The following ARHGAP35 variants were observed in gnomAD, a reference collection of about 807,000 sequenced individuals.
ARHGAP35 encodes the protein Rho GTPase activating protein 35.
ARHGAP35 carries 15 observed loss-of-function variants against 111.1 expected under a neutral mutation model. The ratio of observed to expected loss-of-function variants is 0.13; its 90% CI spans 0.09 to 0.21. The LOEUF (loss-of-function observed/expected upper bound fraction) is 0.21. Among genes scored for constraint, ARHGAP35 ranks in the 10% least tolerant of loss-of-function variants. The probability of loss-of-function intolerance (pLI) is 1.00; values close to 1 mark genes in which losing one functional copy is unlikely to be tolerated. For missense variants in ARHGAP35, 1,262 were observed against 1,873.0 expected, an observed-to-expected ratio of 0.67 and a Z score of 6.02; for synonymous variants, 643 against 710.3, an observed-to-expected ratio of 0.91 and a Z score of 1.51.
At chr19:46,891,078 A>C (rs531363130) in intron 1 of ARHGAP35, among the ~76,000 whole-genome samples, 28 of 152,208 alleles carry the variant, frequency 1.8e-4, no homozygotes, top group Non-Finnish European at 3.4e-4. Context: ...TTCCAAACCC[A>C]GCTCTGCCAC....
At chr19:46,871,947 T>A (rs1254828021) in intron 1 of ARHGAP35, among the ~76,000 whole-genome samples, 1 of 151,964 alleles carries the variant, frequency 6.6e-6, no homozygotes, top group East Asian at 1.9e-4. Flanking sequence ...GCCACTGCAC[T>A]CCAGCATGGG....
At chr19:46,910,295 C>A (rs933191309) in intron 1 of ARHGAP35, among the ~76,000 whole-genome samples, 6 of 151,358 alleles carry the variant, frequency 4.0e-5, no homozygotes, top group South Asian at 2.1e-4. Context: ...TATTTTTTTT[C>A]TTTTATTTTT....
At chr19:46,937,525 G>C (rs1422508858) in intron 3 of ARHGAP35, 117 bp downstream of exon 3, 1 of 1,197,040 alleles carries the variant, frequency 8.4e-7, no homozygotes, top group Non-Finnish European at 1.2e-6. Context: ...GATGCTCTTG[G>C]AGAAGGAGCT....
rs1253413730 is a variant in ARHGAP35 at position 47,001,341 on chromosome 19, C to T, written c.*653C>T. ...CCCCACCGTCCCACTCCACAGCCTT[C>T]CCGAAACATTCCCTGGCAAACAAAG... On this transcript the variant is annotated 3_prime_UTR_variant, in exon 7 of 7. Coordinates refer to ENST00000672722, the MANE Select transcript of ARHGAP35 (RefSeq NM_004491.5). This position sits in a 1 kb window ranked among gnomAD's most constrained non-coding sequence, Gnocchi z 5.4. 2.3e-6 allele frequency: 3 copies of T among 1,290,316 alleles called. No homozygotes were observed. Among genetic ancestry groups the T allele is most frequent in the Non-Finnish European group, 3.0e-6 (3 of 989,156 alleles). The allele number at this position is 1,290,316 out of a possible 1,614,324, so 79.9% of individuals were successfully genotyped here.
intron 1 of ARHGAP35, among the ~76,000 whole-genome samples, chr19:46,871,173 A>G (rs1207853068): frequency 6.7e-6 from 1 of 150,206 alleles, no homozygotes; most frequent in East Asian, 1.9e-4. Flanking sequence ...TTTTAACAAC[A>G]TCTTTTCTAC....
intron 1 of ARHGAP35, among the ~76,000 whole-genome samples, chr19:46,913,931 C>T (rs576416643): frequency 1.2e-4 from 19 of 152,242 alleles, no homozygotes; most frequent in African/African-American, 3.9e-4. Context: ...TGGATATGCC[C>T]GGTCTCCTAC....
At chr19:46,874,893 C>T (rs1477356579) in intron 1 of ARHGAP35, among the ~76,000 whole-genome samples, 3 of 149,124 alleles carry the variant, frequency 2.0e-5, no homozygotes, top group Non-Finnish European at 3.0e-5. Flanking sequence ...CTCACTGCAA[C>T]CTCCGCTTCC....
chr19:46,871,039 A>C (rs953864446), intron 1 of ARHGAP35, among the ~76,000 whole-genome samples: 1 of 152,238 alleles, frequency 6.6e-6, no homozygotes, highest in Non-Finnish European at 1.5e-5. Context: ...CTTTATATTT[A>C]ATATACAAAT....
intron 1 of ARHGAP35, among the ~76,000 whole-genome samples, chr19:46,879,754 A>C (rs2055949120): frequency 6.6e-6 from 1 of 150,732 alleles, no homozygotes; most frequent in African/African-American, 2.4e-5. Flanking sequence ...ATTGCACTCC[A>C]GCCTGGGTGG....
chr19:46,959,183 T>G (rs192201978), intron 3 of ARHGAP35, among the ~76,000 whole-genome samples: 3 of 151,946 alleles, frequency 2.0e-5, no homozygotes, highest in Admixed American at 2.0e-4. Context: ...TGGGCTCGGG[T>G]GATTCTCCCA....
intron 1 of ARHGAP35, among the ~76,000 whole-genome samples, chr19:46,900,512 T>C (rs1255448850): frequency 2.6e-5 from 4 of 152,298 alleles, no homozygotes; most frequent in Admixed American, 1.3e-4. Context: ...TGAGCCACCA[T>C]GCCCAGCCTT....
Position 46,901,217 on chromosome 19 carries a change from A to G in ARHGAP35, c.-188-17271A>G, listed in dbSNP as rs2056082103. Among the ~76,000 whole-genome samples the G allele has an allele frequency of 6.6e-6, 1 of 152,224 alleles. No individual in the cohort carries two copies. The highest frequency in any genetic ancestry group is 2.1e-4 in the South Asian group (1 of 4,838). On this transcript the variant is annotated intron_variant, in intron 1 of 6. Transcript: ENST00000672722. This position sits in a 1 kb window ranked among gnomAD's most constrained non-coding sequence, Gnocchi z 4.5. ...CTACAGTGGCTAGTGAGAAAAAGGC[A>G]GAATGGTGGAGATGAGATCACATAG...
chr19:46,978,831 TGGG>T (rs1202911450), intron 3 of ARHGAP35, among the ~76,000 whole-genome samples: 1 of 44,892 alleles, frequency 2.2e-5, no homozygotes, highest in Non-Finnish European at 4.0e-5. Flanking sequence ...GTTTGTGTGG[TGGG>T]GGATTTGTGT....
chr19:46,967,473 GTC>G (rs2056521998), intron 3 of ARHGAP35, among the ~76,000 whole-genome samples: 1 of 152,118 alleles, frequency 6.6e-6, no homozygotes, highest in Non-Finnish European at 1.5e-5. Context: ...CCTGCGTTTA[GTC>G]TCTCACCCTC....
intron 1 of ARHGAP35, among the ~76,000 whole-genome samples, chr19:46,873,636 CAAAA>C (rs370925647): frequency 1.5e-5 from 2 of 131,820 alleles, no homozygotes; most frequent in Admixed American, 7.7e-5. Flanking sequence ...GACTCTTTCT[CAAAA>C]AAAAAAAAAA....
rs547720940 is a variant in ARHGAP35, at chr19:47,000,797, C to G, written c.*109C>G. 1 of 1,542,186 alleles carries G rather than the reference C, an allele frequency of 6.5e-7. No homozygotes were observed. The highest frequency in any genetic ancestry group is 1.2e-5 in the South Asian group (1 of 83,506). On this transcript the variant is annotated 3_prime_UTR_variant, in exon 7 of 7. Coordinates refer to ENST00000672722, the MANE Select transcript of ARHGAP35 (RefSeq NM_004491.5). This position sits in a 1 kb window ranked among gnomAD's most constrained non-coding sequence, Gnocchi z 6.9. The stretch of plus-strand genomic sequence containing the variant: ...GGGACAGAGGCAGGGGCAAGTGGCT[C>G]TCCCCATTACCTTCTCAAGACCTCA...
intron 3 of ARHGAP35, among the ~76,000 whole-genome samples, chr19:46,959,845 C>G (rs995684349): frequency 6.6e-6 from 1 of 152,038 alleles, no homozygotes; most frequent in Non-Finnish European, 1.5e-5. Context: ...CCTGTAATCC[C>G]AGCATGCTGG....
intron 1 of ARHGAP35, among the ~76,000 whole-genome samples, chr19:46,873,758 T>A (rs2055900917): frequency 6.6e-6 from 1 of 152,052 alleles, no homozygotes; most frequent in East Asian, 1.9e-4. Flanking sequence ...TTTTTTTTTT[T>A]CTTTTTTGAG....
At chr19:46,866,925 G>A (rs997219510) in intron 1 of ARHGAP35, among the ~76,000 whole-genome samples, 36 of 152,122 alleles carry the variant, frequency 2.4e-4, no homozygotes, top group Non-Finnish European at 5.0e-4. Flanking sequence ...GTTGACCTAG[G>A]CTCTCAAACA....
Sources: allele counts gnomAD v4.1 joint callset (sites outside exome capture counted in the v4.1 genomes callset), GRCh38; gene constraint gnomAD v4.1.1; non-coding constraint Gnocchi (gnomAD v3.1); transcripts MANE v1.5; gene names NCBI Gene and HGNC (gene_info 2026-07-23, HGNC 2026-07-21).